GSG1L: variants seen among roughly 807,000 people sequenced by gnomAD.
GSG1L encodes GSG1 like.
Under a neutral mutation model 42.1 loss-of-function variants are expected in GSG1L, and 24 were observed. The ratio of observed to expected loss-of-function variants is 0.57; its 90% CI spans 0.41 to 0.80. The LOEUF is 0.80. GSG1L is among the 30% of genes least tolerant of loss of function. The pLI, the probability that GSG1L is intolerant of heterozygous loss-of-function variation, is 0.00. For synonymous variants in GSG1L, 215 were observed against 203.5 expected (o/e 1.06, Z -0.48); for missense variants, 445 against 472.2 (o/e 0.94, Z 0.53).
At chr16:27,876,753 G>T (rs12325651) in intron 3 of GSG1L, among the ~76,000 whole-genome samples, 35,959 of 152,088 alleles carry the variant, frequency 0.24, 4,383 homozygotes, top group Non-Finnish European at 0.26. Flanking sequence ...CACCCACCCC[G>T]CAGGCCATAG....
intron 2 of GSG1L, among the ~76,000 whole-genome samples, chr16:27,912,695 C>A (rs1335233033): frequency 6.6e-6 from 1 of 152,320 alleles, no homozygotes; most frequent in Non-Finnish European, 1.5e-5. Context: ...ACCAATTTGT[C>A]CTTACCTAGT....
intron 1 of GSG1L, among the ~76,000 whole-genome samples, chr16:28,018,884 G>T (rs140193463): frequency 6.6e-6 from 1 of 152,112 alleles, no homozygotes; most frequent in Admixed American, 6.5e-5. Flanking sequence ...GCCCAGCTGC[G>T]ACCTGCACAG....
intron 2 of GSG1L, among the ~76,000 whole-genome samples, chr16:27,892,781 C>G (rs1435792319): frequency 1.1e-5 from 1 of 89,494 alleles, no homozygotes; most frequent in African/African-American, 4.2e-5. Flanking sequence ...CAGAAGGAGA[C>G]TCAGTCTCAA....
intron 1 of GSG1L, among the ~76,000 whole-genome samples, chr16:27,987,000 T>C (rs1432258716): frequency 6.6e-6 from 1 of 151,962 alleles, no homozygotes; most frequent in Non-Finnish European, 1.5e-5. Flanking sequence ...GCAGATCACC[T>C]GAGGTCAGGA....
At chr16:27,944,252 AAAAT>A (rs1313703923) in intron 2 of GSG1L, among the ~76,000 whole-genome samples, 2 of 152,224 alleles carry the variant, frequency 1.3e-5, no homozygotes, top group Admixed American at 1.3e-4. Flanking sequence ...AAAGGTTTTA[AAAAT>A]AAATAAATAA....
At chr16:27,888,011 G>A (rs950215365) in intron 2 of GSG1L, 12 of 743,416 alleles carry the variant, frequency 1.6e-5, no homozygotes, top group Non-Finnish European at 2.0e-5. Context: ...GAGCCTGCAG[G>A]AGGGTGGCCG....
rs145833909 is a variant in GSG1L at position 28,042,297 on chromosome 16, G to A, written c.349+20779C>T. ...CTAAAAGTACAAAAATTAGTCGGGC[G>A]TGGTGGTGCACGCCTATAATCCCAG... On this transcript the variant is annotated intron_variant, in intron 1 of 6. Transcript: ENST00000447459. Among the ~76,000 whole-genome samples, 23 of 152,150 alleles carry A rather than the reference G, an allele frequency of 1.5e-4. No homozygotes were observed. In the South Asian group the frequency reaches 2.9e-3, roughly 19 times the overall value.
chr16:27,841,493 T>C (rs933661), intron 4 of GSG1L, among the ~76,000 whole-genome samples: 54,260 of 151,946 alleles, frequency 0.36, 10,091 homozygotes, highest in East Asian at 0.45. Context: ...AAGACAGAGG[T>C]GGGTGCCATC....
intron 1 of GSG1L, among the ~76,000 whole-genome samples, chr16:27,968,324 A>G (rs2085157298): frequency 6.6e-6 from 1 of 152,084 alleles, no homozygotes; most frequent in South Asian, 2.1e-4. Context: ...ATCATAGCTC[A>G]CTGCAGCCTT....
chr16:27,964,366 T>C (rs1055623633), intron 1 of GSG1L, among the ~76,000 whole-genome samples: 31 of 152,308 alleles, frequency 2.0e-4, no homozygotes, highest in African/African-American at 6.7e-4. Flanking sequence ...CACAGCCACA[T>C]TGAGGCATTG....
At chr16:27,895,990 A>T (rs1483325705) in intron 2 of GSG1L, among the ~76,000 whole-genome samples, 1 of 152,184 alleles carries the variant, frequency 6.6e-6, no homozygotes, top group East Asian at 1.9e-4. Context: ...TCTACAAACC[A>T]GCAGCGTCAG....
Position 28,063,511 on chromosome 16 carries a change from G to A in GSG1L, c.-87C>T. ...CTGGCGCCCCGCGTCAGCGGCCGCT[G>A]CCCGCCGCGCCCCGGGGCTCGGGTG... On this transcript the variant is annotated 5_prime_UTR_variant, in exon 1 of 7. Coordinates refer to ENST00000447459, the MANE Select transcript of GSG1L (RefSeq NM_001109763.2). This position sits in a 1 kb window ranked among gnomAD's most constrained non-coding sequence, Gnocchi z 5.8. 1.2e-6 allele frequency: 1 copy of A among 849,478 alleles called. No individual in the cohort carries two copies. The highest frequency in any genetic ancestry group is 1.5e-6 in the Non-Finnish European group (1 of 678,372). The allele number at this position is 849,478 out of a possible 1,614,324, so 52.6% of individuals were successfully genotyped here. A position where few individuals can be genotyped will look rare whatever the true frequency, so the allele number is the denominator to read the frequency against.
rs146380303 is a variant in GSG1L at position 27,986,693 on chromosome 16, G to A, written c.350-23490C>T. Among the ~76,000 whole-genome samples, 223 of 152,310 alleles carry A rather than the reference G, an allele frequency of 1.5e-3. 4 individuals carry two copies. Among genetic ancestry groups the A allele is most frequent in the African/African-American group, 5.1e-3 (211 of 41,568 alleles). ...AGGTACACTGTCCTTTGCACTGTCC[G>A]TGGTGCTTCTTTCTTTTGGGGGACC... On this transcript the variant is annotated intron_variant, in intron 1 of 6. Coordinates refer to ENST00000447459, the MANE Select transcript of GSG1L (RefSeq NM_001109763.2).
intron 2 of GSG1L, among the ~76,000 whole-genome samples, chr16:27,936,901 A>G (rs1458648737): frequency 3.3e-5 from 5 of 152,176 alleles, no homozygotes; most frequent in African/African-American, 1.2e-4. Flanking sequence ...CCAGGGCAGG[A>G]AAGTCATTGA....
intron 1 of GSG1L, among the ~76,000 whole-genome samples, chr16:28,037,927 C>T (rs1027028096): frequency 6.6e-6 from 1 of 152,148 alleles, no homozygotes; most frequent in Non-Finnish European, 1.5e-5. Context: ...GGTATCTACA[C>T]GTTGGATCCA....
At chr16:27,899,037 G>C (rs1205634808) in intron 2 of GSG1L, among the ~76,000 whole-genome samples, 2 of 152,224 alleles carry the variant, frequency 1.3e-5, no homozygotes, top group African/African-American at 4.8e-5. Flanking sequence ...TGAGAGGGAA[G>C]AAAGTGTGCA....
rs760887097 is a variant in GSG1L, at chr16:27,807,548, C to T, written c.837G>A (p.Glu279=). 1 of 1,611,796 alleles carries T rather than the reference C, an allele frequency of 6.2e-7. No homozygotes were observed. Among genetic ancestry groups the T allele is most frequent in the Non-Finnish European group, 8.5e-7 (1 of 1,179,734 alleles). ...EAIKYFRERM[E]KRDGSEEDFH... is the part of the protein sequence containing the mutation. ...AGTCCTCCTCGCTCCCGTCCCTCTT[C>T]TCCATCCTGGAAAGAAAAAAAAACA... is the stretch of plus-strand genomic sequence containing the variant. The change falls in exon 6 of 7, where the codon GAG becomes GAA. Residue 279 remains glutamate, a synonymous_variant. Coordinates refer to ENST00000447459, the MANE Select transcript of GSG1L (RefSeq NM_001109763.2).
intron 1 of GSG1L, among the ~76,000 whole-genome samples, chr16:28,047,961 G>A (rs2086181257): frequency 1.3e-5 from 2 of 151,428 alleles, no homozygotes; most frequent in Non-Finnish European, 2.9e-5. Flanking sequence ...GTTCACGCTT[G>A]TAATCCTAGC....
At chr16:28,036,160 A>G (rs1377151359) in intron 1 of GSG1L, among the ~76,000 whole-genome samples, 2 of 152,192 alleles carry the variant, frequency 1.3e-5, no homozygotes, top group African/African-American at 4.8e-5. Flanking sequence ...AAAATGGTTT[A>G]AAGATTCTCT....
Sources: allele counts gnomAD v4.1 joint callset (sites outside exome capture counted in the v4.1 genomes callset), GRCh38; gene constraint gnomAD v4.1.1; non-coding constraint Gnocchi (gnomAD v3.1); transcripts MANE v1.5; gene names NCBI Gene and HGNC (gene_info 2026-07-23, HGNC 2026-07-21).